The following EPB41L4B variants were observed in gnomAD, a reference collection of about 807,000 sequenced individuals.
The protein encoded by EPB41L4B is band 4.1-like protein 4B.
Under a neutral mutation model 112.5 loss-of-function variants are expected in EPB41L4B, and 30 were observed. That is an observed-to-expected ratio of 0.27 (90% CI 0.20 to 0.36). The LOEUF (loss-of-function observed/expected upper bound fraction) is 0.36, where lower values mean the gene tolerates loss of function less well. Ranked by LOEUF, EPB41L4B falls within the 10% of genes least tolerant of loss-of-function variation. The pLI is 1.00. For synonymous variants in EPB41L4B, 408 were observed against 439.7 expected, an observed-to-expected ratio of 0.93 and a Z score of 0.90; for missense variants, 1,024 against 1,133.3, an observed-to-expected ratio of 0.90 and a Z score of 1.38.
rs1032951192 is a variant in EPB41L4B, at chr9:109,174,032, C to T, written c.*522G>A. 6.6e-6 allele frequency: 1 copy of T among 152,522 alleles called. No individual in the cohort carries two copies. Among genetic ancestry groups the T allele is most frequent in the Non-Finnish European group, 1.5e-5 (1 of 68,112 alleles). The allele number at this position is 152,522 out of a possible 1,614,324, so 9.4% of individuals were successfully genotyped here. A position where few individuals can be genotyped will look rare whatever the true frequency, so the allele number is the denominator to read the frequency against. ...TTCAGTCATAGTGATATGTAACTTT[C>T]TTTTTTTAGTTCTTCTACTCACATC... is the stretch of plus-strand genomic sequence containing the variant. On this transcript the variant is annotated 3_prime_UTR_variant, in exon 26 of 26. Coordinates refer to ENST00000374566, the MANE Select transcript of EPB41L4B (RefSeq NM_019114.5).
intron 15 of EPB41L4B, among the ~76,000 whole-genome samples, chr9:109,225,087 C>A (rs1260151037): frequency 6.6e-6 from 1 of 152,218 alleles, no homozygotes; most frequent in Non-Finnish European, 1.5e-5. Context: ...GTATCTTGTC[C>A]TCCCAGCCAT....
intron 22 of EPB41L4B, among the ~76,000 whole-genome samples, chr9:109,185,893 G>A (rs1588119617): frequency 6.6e-6 from 1 of 150,458 alleles, no homozygotes; most frequent in East Asian, 2.0e-4. Flanking sequence ...CCATTCCCAG[G>A]CCTGGTAGGT....
intron 1 of EPB41L4B, among the ~76,000 whole-genome samples, chr9:109,318,918 C>T (rs1837735094): frequency 6.6e-6 from 1 of 152,220 alleles, no homozygotes; most frequent in South Asian, 2.1e-4. Context: ...CCAAGCCAGG[C>T]AGGCTCTGAT....
At chr9:109,230,474 G>C (rs367856669) in intron 15 of EPB41L4B, among the ~76,000 whole-genome samples, 1 of 152,256 alleles carries the variant, frequency 6.6e-6, no homozygotes, top group East Asian at 1.9e-4. Context: ...CGTATGCCAG[G>C]AACTACAGCT....
At chr9:109,214,046 G>A (rs867250845) in intron 16 of EPB41L4B, among the ~76,000 whole-genome samples, 6 of 152,152 alleles carry the variant, frequency 3.9e-5, no homozygotes, top group African/African-American at 1.2e-4. Flanking sequence ...CCCTGGGTAC[G>A]TTGTTTTGCC....
In EPB41L4B at chr9:109,268,421, G is replaced by A. The variant is rs760681787; in HGVS notation, c.424C>T (p.His142Tyr). 24 of 1,609,486 alleles carry A rather than the reference G, an allele frequency of 1.5e-5. 1 individual carries two copies. The Admixed American group carries it at 3.9e-4, about 26-fold the overall frequency. ...DSAQVAHWLD[H>Y]AKPIKKQMKI... ...ATCTGCTTTTTTATGGGTTTGGCAT[G>A]ATCCAGCCAGTGCTGAAAGAAAGAA... The change falls in exon 3 of 26, where the codon CAT becomes TAT. Residue 142 changes from histidine (H) to tyrosine (Y), a missense_variant. Physicochemically the swap from His to Tyr is moderately conservative, Grantham distance 83 (BLOSUM62 2). Transcript: ENST00000374566.
chr9:109,297,100 G>A (rs536144768), intron 1 of EPB41L4B, among the ~76,000 whole-genome samples: 1 of 149,750 alleles, frequency 6.7e-6, no homozygotes, highest in East Asian at 2.0e-4. Context: ...ATGACAATTG[G>A]TGTCATTATA....
At chr9:109,197,108 T>C (rs1407250852) in intron 20 of EPB41L4B, among the ~76,000 whole-genome samples, 3 of 152,224 alleles carry the variant, frequency 2.0e-5, no homozygotes, top group African/African-American at 7.2e-5. Flanking sequence ...GTGCCAACTT[T>C]ATCAATATCA....
rs1564306955 is a variant in EPB41L4B at position 109,267,525 on chromosome 9, G to C, written c.481C>G (p.Arg161Gly). 1 of 1,613,208 alleles carries C rather than the reference G, an allele frequency of 6.2e-7. No individual in the cohort carries two copies. The highest frequency in any genetic ancestry group is 1.3e-5 in the African/African-American group (1 of 75,036). The change falls in exon 4 of 26, where the codon CGA becomes GGA. Residue 161 changes from arginine (R) to glycine (G), a missense_variant. Coordinates refer to ENST00000374566, the MANE Select transcript of EPB41L4B (RefSeq NM_019114.5). ...KIGPAYALHF[R>G]VKYYSSEPNN... ...GGTTCTGAAGAATAGTATTTAACTC[G>C]AAAGTGTAAAGCATAAGCAGGTCCA...
chr9:109,244,157 G>T (rs112039510), intron 14 of EPB41L4B, among the ~76,000 whole-genome samples: 2 of 152,326 alleles, frequency 1.3e-5, no homozygotes, highest in East Asian at 3.9e-4. Flanking sequence ...GGGATGCTAA[G>T]TGAAGCAGCA....
intron 22 of EPB41L4B, among the ~76,000 whole-genome samples, chr9:109,188,712 T>C (rs967231063): frequency 1.3e-5 from 2 of 152,194 alleles, no homozygotes; most frequent in Non-Finnish European, 2.9e-5. Context: ...CCTGTTCCAA[T>C]GCCCTACACA....
chr9:109,192,267 A>G lies in EPB41L4B; in HGVS notation c.2301+11T>C, dbSNP rs774352468. 10 of 1,600,842 alleles carry G rather than the reference A, an allele frequency of 6.2e-6. No individual in the cohort carries two copies. The highest frequency in any genetic ancestry group is 7.7e-6 in the Non-Finnish European group (9 of 1,174,412). ...GTGACTTTTCTGGTTTTAGCAAAAT[A>G]GGAAGTTTACCAGAGGAGTGGCTTC... On this transcript the variant is annotated intron_variant, in intron 22 of 25. Coordinates refer to ENST00000374566, the MANE Select transcript of EPB41L4B (RefSeq NM_019114.5).
At chr9:109,277,249 T>C (rs1437215559) in intron 2 of EPB41L4B, among the ~76,000 whole-genome samples, 4 of 149,022 alleles carry the variant, frequency 2.7e-5, no homozygotes, top group Non-Finnish European at 5.9e-5. Flanking sequence ...AAATATGGCA[T>C]TCAGGAAGCA....
chr9:109,246,877 T>C (rs1834577460), intron 14 of EPB41L4B, among the ~76,000 whole-genome samples: 1 of 152,252 alleles, frequency 6.6e-6, no homozygotes, highest in Non-Finnish European at 1.5e-5. Flanking sequence ...AGCACAGTGC[T>C]TTACAAAGCA....
Position 109,320,158 on chromosome 9 carries a change from C to T in EPB41L4B, c.289G>A (p.Val97Met), listed in dbSNP as rs1487358639. 6.8e-7 allele frequency: 1 copy of T among 1,481,238 alleles called. No homozygotes were observed. Among genetic ancestry groups the T allele is most frequent in the Admixed American group, 2.3e-5 (1 of 43,260 alleles). The allele number at this position is 1,481,238 out of a possible 1,614,324, so 91.8% of individuals were successfully genotyped here. A position where few individuals can be genotyped will look rare whatever the true frequency, so the allele number is the denominator to read the frequency against. ...CRVFLLDGTEVSVDLPKHAKG... is the reference protein window; with the variant it reads ...CRVFLLDGTEMSVDLPKHAKG... The stretch of plus-strand genomic sequence containing the variant: ...TCACTCACCGGCAGGTCCACGCTCA[C>T]TTCGGTCCCGTCGAGCAGGAAGACG... Residue 97 changes from valine (V) to methionine (M), a missense_variant, in exon 1 of 26, where the codon GTG becomes ATG. Physicochemically the swap from Val to Met is conservative, Grantham distance 21. Transcript: ENST00000374566.
At chr9:109,221,685 A>G (rs1213384910) in intron 15 of EPB41L4B, among the ~76,000 whole-genome samples, 1 of 152,230 alleles carries the variant, frequency 6.6e-6, no homozygotes, top group Non-Finnish European at 1.5e-5. Context: ...TAATAGAAAA[A>G]AAGAGGTGGC....
At chr9:109,224,384 C>A (rs565369651) in intron 15 of EPB41L4B, among the ~76,000 whole-genome samples, 44 of 152,202 alleles carry the variant, frequency 2.9e-4, no homozygotes, top group African/African-American at 1.0e-3. Context: ...ATTGAGCAGG[C>A]CATGATGTGG....
intron 1 of EPB41L4B, among the ~76,000 whole-genome samples, chr9:109,301,809 G>A (rs1836979140): frequency 6.6e-6 from 1 of 152,218 alleles, no homozygotes; most frequent in African/African-American, 2.4e-5. Flanking sequence ...TGGCTAAGGT[G>A]GGAGGATCTC....
chr9:109,204,021 A>G (rs1832916417), intron 18 of EPB41L4B, among the ~76,000 whole-genome samples: 1 of 152,206 alleles, frequency 6.6e-6, no homozygotes, highest in African/African-American at 2.4e-5. Context: ...AGAAAGGGAT[A>G]GTGTGGGAAA....
Sources: allele counts gnomAD v4.1 joint callset (sites outside exome capture counted in the v4.1 genomes callset), GRCh38; gene constraint gnomAD v4.1.1; transcripts MANE v1.5; gene names NCBI Gene and HGNC (gene_info 2026-07-23, HGNC 2026-07-21).